RHOG: variants seen among roughly 807,000 people sequenced by gnomAD.
RHOG encodes ras homolog family member G.
Under a neutral mutation model 12.3 loss-of-function variants are expected in RHOG, and 1 was observed. That is an observed-to-expected ratio of 0.08 (90% confidence interval 0.03 to 0.39). RHOG has a LOEUF of 0.39. Ranked by LOEUF, RHOG falls within the 10% of genes least tolerant of loss-of-function variation. RHOG has a pLI of 0.99. For missense variants in RHOG, 114 were observed against 266.2 expected, an observed-to-expected ratio of 0.43 and a Z score of 3.98; for synonymous variants, 129 against 116.0, an observed-to-expected ratio of 1.11 and a Z score of -0.72.
chr11:3,828,638 T>C, intron 1 of RHOG, among the ~76,000 whole-genome samples: 1 of 150,678 alleles, frequency 6.6e-6, no homozygotes. Flanking sequence ...TTTTTTTTTT[T>C]TTTGAGACAG....
chr11:3,836,967 G>A (rs2090161862), intron 1 of RHOG, among the ~76,000 whole-genome samples: 1 of 147,952 alleles, frequency 6.8e-6, no homozygotes, highest in South Asian at 2.1e-4. Flanking sequence ...CTGGCTGGGG[G>A]AGCCAAGGAA....
At chr11:3,837,778 A>G (rs781032790) in intron 1 of RHOG, 1 of 152,206 alleles carries the variant, frequency 6.6e-6, no homozygotes, top group Non-Finnish European at 1.5e-5. Flanking sequence ...CCTTCAGAAA[A>G]TGGGCCAAAG....
intron 1 of RHOG, among the ~76,000 whole-genome samples, chr11:3,836,902 C>CAAATAAAAAAAAA (rs2090160765): frequency 3.4e-5 from 1 of 29,236 alleles, no homozygotes; most frequent in African/African-American, 1.9e-4. Flanking sequence ...GACTCCATCT[C>CAAATAAAAAAAAA]AAAAAAAAAA....
intron 1 of RHOG, among the ~76,000 whole-genome samples, chr11:3,834,518 C>T (rs1023172118): frequency 9.2e-5 from 14 of 152,224 alleles, no homozygotes; most frequent in Non-Finnish European, 1.9e-4. Flanking sequence ...TCTCATCGGA[C>T]AGCAATGACA....
At chr11:3,837,635 G>A (rs959644793) in intron 1 of RHOG, among the ~76,000 whole-genome samples, 3 of 152,156 alleles carry the variant, frequency 2.0e-5, no homozygotes, top group Non-Finnish European at 2.9e-5. Context: ...GCAAATCTAC[G>A]ACAAGGATCC....
At chr11:3,837,416 T>C (rs1430133434) in intron 1 of RHOG, among the ~76,000 whole-genome samples, 1 of 150,840 alleles carries the variant, frequency 6.6e-6, no homozygotes, top group Non-Finnish European at 1.5e-5. Context: ...GGCAGTACTA[T>C]CCCTGGACAG....
At chr11:3,830,655 CAAAA>C in intron 1 of RHOG, 1 of 138,222 alleles carries the variant, frequency 7.2e-6, no homozygotes, top group Non-Finnish European at 1.6e-5. Context: ...GACCCTGTCT[CAAAA>C]AAAAAAAAAT....
chr11:3,834,462 G>A (rs151160951), intron 1 of RHOG, among the ~76,000 whole-genome samples: 42 of 152,192 alleles, frequency 2.8e-4, no homozygotes, highest in African/African-American at 8.7e-4. Flanking sequence ...GCCCAGTATC[G>A]GACACTCCCT....
chr11:3,835,594 C>G (rs962239022), intron 1 of RHOG, among the ~76,000 whole-genome samples: 2 of 152,176 alleles, frequency 1.3e-5, no homozygotes, highest in African/African-American at 4.8e-5. Flanking sequence ...ACATAAGTAA[C>G]CAACTTCTTT....
intron 1 of RHOG, among the ~76,000 whole-genome samples, chr11:3,831,710 C>A (rs2090129697): frequency 6.6e-6 from 1 of 152,276 alleles, no homozygotes; most frequent in East Asian, 1.9e-4. Context: ...CTTAAAGCTC[C>A]TTGGAGGCAG....
intron 1 of RHOG, among the ~76,000 whole-genome samples, chr11:3,835,662 T>C (rs539710346): frequency 6.6e-6 from 1 of 152,312 alleles, no homozygotes; most frequent in Admixed American, 6.5e-5. Flanking sequence ...TATACTGTCT[T>C]GTCTTCAACT....
chr11:3,833,367 G>A (rs2090141064), intron 1 of RHOG, among the ~76,000 whole-genome samples: 1 of 152,198 alleles, frequency 6.6e-6, no homozygotes, highest in Admixed American at 6.5e-5. Flanking sequence ...TGATCCTCCT[G>A]ACTAGCCCTC....
rs768076625 is a variant in RHOG at position 3,835,398 on chromosome 11, G to A, written c.-69+5496C>T. On this transcript the variant is annotated intron_variant, in intron 1 of 1. Transcript: ENST00000351018. ...TGCCTTACCTTTCCCAGCATTGACC[G>A]TACTTTTCATTGTGCTGAACTAACT... 3.3e-5 allele frequency among the ~76,000 whole-genome samples: 5 copies of A among 152,060 alleles called. No individual in the cohort carries two copies. In the East Asian group the frequency reaches 5.8e-4, roughly 18 times the overall value.
Position 3,827,314 on chromosome 11 carries a change from G to A in RHOG, c.*249C>T, listed in dbSNP as rs558648984. On this transcript the variant is annotated 3_prime_UTR_variant, in exon 2 of 2. Coordinates refer to ENST00000351018, the MANE Select transcript of RHOG (RefSeq NM_001665.4). The surrounding 1 kb of genome is among the most constrained non-coding windows in gnomAD (Gnocchi z 7.3). ...GCACTGGGTTGGCCTCTTGGGGAGG[G>A]GTCCAACCTTGGCTTGGATGAGCTC... 81 of 543,322 alleles carry A rather than the reference G, an allele frequency of 1.5e-4. No individual in the cohort carries two copies. In the South Asian group the frequency reaches 1.9e-3, roughly 13 times the overall value. The allele number at this position is 543,322 out of a possible 1,614,324, so 33.7% of individuals were successfully genotyped here.
intron 1 of RHOG, among the ~76,000 whole-genome samples, chr11:3,829,203 T>C (rs1240305283): frequency 6.6e-6 from 1 of 151,798 alleles, no homozygotes. Flanking sequence ...CTCAATTCTT[T>C]AGAGAGCTGC....
chr11:3,839,852 T>TG, intron 1 of RHOG, among the ~76,000 whole-genome samples: 1 of 151,972 alleles, frequency 6.6e-6, no homozygotes. Context: ...TGTGTGTGGG[T>TG]GCCAGAGCTG....
intron 1 of RHOG, among the ~76,000 whole-genome samples, chr11:3,828,613 G>A (rs2090103769): frequency 6.8e-6 from 1 of 147,190 alleles, no homozygotes; most frequent in South Asian, 2.1e-4. Context: ...TCGTCCACAA[G>A]TATTAGCTAT....
At chr11:3,839,041 A>G (rs2090172909) in intron 1 of RHOG, among the ~76,000 whole-genome samples, 2 of 152,198 alleles carry the variant, frequency 1.3e-5, no homozygotes, top group Non-Finnish European at 2.9e-5. Flanking sequence ...GTAGCAGGAA[A>G]GGAGCAGACA....
At chr11:3,832,980 A>T (rs992783867) in intron 1 of RHOG, among the ~76,000 whole-genome samples, 3 of 152,098 alleles carry the variant, frequency 2.0e-5, no homozygotes, top group African/African-American at 7.2e-5. Flanking sequence ...TGTAGTGTGT[A>T]CACTAGTCAA....
Sources: gnomAD v4.1 joint callset for allele counts (sites outside exome capture counted in the v4.1 genomes callset) on GRCh38, gnomAD v4.1.1 for gene constraint, Gnocchi (gnomAD v3.1) non-coding constraint, MANE v1.5 for transcripts, NCBI Gene and HGNC (gene_info 2026-07-23, HGNC 2026-07-21) for gene names.